Variants in AKAP1 observed in about 807,000 individuals in gnomAD.
AKAP1 encodes A-kinase anchoring protein 1.
Under a neutral mutation model 79.8 loss-of-function variants are expected in AKAP1, and 32 were observed. The observed-to-expected ratio is 0.40, with a 90% CI of 0.30 to 0.54. The LOEUF (loss-of-function observed/expected upper bound fraction) is 0.54, where lower values mean the gene tolerates loss of function less well. AKAP1 is among the 20% of genes least tolerant of loss of function. The probability of loss-of-function intolerance (pLI) is 0.47; values close to 1 mark genes in which losing one functional copy is unlikely to be tolerated. For synonymous variants in AKAP1, 416 were observed against 466.7 expected (o/e 0.89, Z 1.40); for missense variants, 961 against 1,138.9 (o/e 0.84, Z 2.25).
At chr17:57,092,639 C>G (rs1452197491) in intron 1 of AKAP1, 1 of 152,188 alleles carries the variant, frequency 6.6e-6, no homozygotes, top group African/African-American at 2.4e-5. Context: ...GTGTACCTGT[C>G]ATGCTACCAG....
intron 8 of AKAP1, 73 bp downstream of exon 8, chr17:57,117,000 C>T (rs753640623): frequency 5.8e-5 from 80 of 1,389,698 alleles, no homozygotes; most frequent in Admixed American, 8.4e-5. Context: ...TCAGAGCCTC[C>T]GTTCTCACCT....
chr17:57,116,051 T>TGGCC, intron 6 of AKAP1, 60 bp from the exon 7 acceptor site: 1 of 1,577,156 alleles, frequency 6.3e-7, no homozygotes, highest in Non-Finnish European at 8.6e-7. Flanking sequence ...AGTGGCCAGG[T>TGGCC]GGCCCTTGGT....
rs768580692 is a variant in AKAP1 at position 57,106,672 on chromosome 17, C to A, written c.1208C>A (p.Ala403Glu). ...AAAACTGTCTTGGGCCCAGACACTG[C>A]GGAGCCTGCCACAGCAGAGGCAGCT... The part of the protein sequence containing the change: ...HQKTVLGPDT[A>E]EPATAEAAVA... Residue 403 changes from alanine to glutamate, a missense_variant, in exon 2 of 11, where the codon GCG becomes GAG. Coordinates refer to ENST00000337714, the MANE Select transcript of AKAP1 (RefSeq NM_003488.4). 1.2e-6 allele frequency: 2 copies of A among 1,614,032 alleles called. No individual in the cohort carries two copies. Among genetic ancestry groups the A allele is most frequent in the Non-Finnish European group, 1.7e-6 (2 of 1,180,026 alleles).
At chr17:57,110,237 G>T in intron 3 of AKAP1, 79 bp downstream of exon 3, 3 of 1,558,030 alleles carry the variant, frequency 1.9e-6, no homozygotes, top group Non-Finnish European at 2.6e-6. Flanking sequence ...CCTCAGGGAG[G>T]GAGGGGGCTG....
intron 1 of AKAP1, among the ~76,000 whole-genome samples, chr17:57,098,974 T>C (rs1661044094): frequency 6.6e-6 from 1 of 151,704 alleles, no homozygotes; most frequent in Non-Finnish European, 1.5e-5. Flanking sequence ...TTCACTGTAT[T>C]AGCCAGGATG....
chr17:57,091,117 T>G (rs1216718517), intron 1 of AKAP1, among the ~76,000 whole-genome samples: 1 of 152,236 alleles, frequency 6.6e-6, no homozygotes, highest in African/African-American at 2.4e-5. Flanking sequence ...TTGCCCCTCC[T>G]TTCTGCCACT....
chr17:57,096,827 C>T (rs759051975), intron 1 of AKAP1: 1 of 152,204 alleles, frequency 6.6e-6, no homozygotes, highest in Non-Finnish European at 1.5e-5. Context: ...CTGGGAACAC[C>T]CTTTAGAGCT....
intron 8 of AKAP1, among the ~76,000 whole-genome samples, chr17:57,117,882 C>T (rs559423780): frequency 6.6e-6 from 1 of 152,320 alleles, no homozygotes; most frequent in Non-Finnish European, 1.5e-5. Context: ...GCCTTGCCCA[C>T]TCTGAGTGGC....
chr17:57,105,729 C>T lies in AKAP1; in HGVS notation c.265C>T (p.Pro89Ser), dbSNP rs762722878. Residue 89 changes from proline to serine, a missense_variant, in exon 2 of 11, where the codon CCT (proline) becomes TCT (serine). Physicochemically the swap from Pro to Ser is moderately conservative, Grantham distance 74 (BLOSUM62 -1). Around this residue, in one of 3 missense-constraint regions of AKAP1, gnomAD observed 108 missense variants for 147.6 expected, o/e 0.73. Transcript: ENST00000337714. ...EKELSTVSKL[P>S]AEPPALLQTH... is the part of the protein sequence containing the mutation. Reference sequence around the variant, plus strand: ...GGAACTGTCCACCGTGAGCAAGCTGCCTGCAGAGCCCCCAGCATTGCTCCA... The same window carrying T: ...GGAACTGTCCACCGTGAGCAAGCTGTCTGCAGAGCCCCCAGCATTGCTCCA... 3 of 1,614,074 alleles carry T rather than the reference C, an allele frequency of 1.9e-6. No homozygotes were observed. The highest frequency in any genetic ancestry group is 1.7e-5 in the Admixed American group (1 of 60,008).
intron 1 of AKAP1, chr17:57,093,928 G>T (rs865988053): frequency 2.3e-4 from 35 of 152,266 alleles, no homozygotes; most frequent in African/African-American, 6.0e-4. Flanking sequence ...TCCCAGTGTA[G>T]AGATAGCCCA....
intron 2 of AKAP1, among the ~76,000 whole-genome samples, chr17:57,109,404 C>T (rs1377470573): frequency 6.6e-6 from 1 of 152,230 alleles, no homozygotes; most frequent in Non-Finnish European, 1.5e-5. Context: ...TTGCATGAAT[C>T]AGGCCTAAGC....
chr17:57,086,356 TC>T lies in AKAP1; in HGVS notation c.-25+960del, dbSNP rs780963001. On this transcript the variant is annotated intron_variant, in intron 1 of 10. Transcript: ENST00000337714. The surrounding 1 kb of genome is among the most constrained non-coding windows in gnomAD (Gnocchi z 5.1). The stretch of plus-strand genomic sequence containing the variant: ...TCTTTTGTGCCCTAGCTGAAGGTCT[TC>T]CTGTTTCCCTTCCAGGGAGGGATAG... 2.7e-4 allele frequency: 123 copies of T among 448,742 alleles called. No homozygotes were observed. The highest frequency in any genetic ancestry group is 6.7e-5 in the Non-Finnish European group (15 of 224,362). The allele number at this position is 448,742 out of a possible 1,614,324, so 27.8% of individuals were successfully genotyped here. A position where few individuals can be genotyped will look rare whatever the true frequency, so the allele number is the denominator to read the frequency against.
At chr17:57,100,777 A>C (rs1039417433) in intron 1 of AKAP1, among the ~76,000 whole-genome samples, 1 of 152,052 alleles carries the variant, frequency 6.6e-6, no homozygotes, top group African/African-American at 2.4e-5. Context: ...GCCTTTCCTC[A>C]TAGCCACTTT....
Position 57,110,149 on chromosome 17 carries a change from G to A in AKAP1, c.1839G>A (p.Glu613=), listed in dbSNP as rs779414805. 5.0e-6 allele frequency: 8 copies of A among 1,613,806 alleles called. No individual in the cohort carries two copies. In the African/African-American group the frequency reaches 9.3e-5, roughly 19 times the overall value. Residue 613 remains glutamate (E), a synonymous_variant, in exon 3 of 11, where the codon GAG becomes GAA. Coordinates refer to ENST00000337714, the MANE Select transcript of AKAP1 (RefSeq NM_003488.4). ...KKVDLIIWEI[E]VPKHLVGRLI... ...TCGACCTCATCATCTGGGAGATCGAGGTGCCAAAGGTAGGGGCGGAGTCCC... is the reference window on the plus strand; with the variant it reads ...TCGACCTCATCATCTGGGAGATCGAAGTGCCAAAGGTAGGGGCGGAGTCCC...
rs1370460660 is a variant in AKAP1, at chr17:57,116,098, C to T, written c.2282-13C>T. The T allele has an allele frequency of 6.2e-7, 1 of 1,610,664 alleles. No individual in the cohort carries two copies. Among genetic ancestry groups the T allele is most frequent in the Admixed American group, 1.7e-5 (1 of 60,014 alleles). ...GCCCAGGCGTTCCACGCACTCTGCT[C>T]CCTACCCTGCAGTAACGGTCATCTG... On this transcript the variant is annotated splice_polypyrimidine_tract_variant and intron_variant, in intron 6 of 10. Coordinates refer to ENST00000337714, the MANE Select transcript of AKAP1 (RefSeq NM_003488.4).
chr17:57,112,921 T>C (rs1046361691), intron 5 of AKAP1, among the ~76,000 whole-genome samples: 1 of 152,168 alleles, frequency 6.6e-6, no homozygotes, highest in Non-Finnish European at 1.5e-5. Flanking sequence ...AAGGATGGTG[T>C]AGTTCGGACA....
At chr17:57,105,368 G>A in intron 1 of AKAP1, 73 bp from the exon 2 acceptor site, 2 of 1,418,512 alleles carry the variant, frequency 1.4e-6, no homozygotes, top group Middle Eastern at 2.4e-4. Context: ...TGACTGTCTT[G>A]CATGTGCGGT....
chr17:57,097,020 C>T (rs755670776), intron 1 of AKAP1, among the ~76,000 whole-genome samples: 3 of 152,038 alleles, frequency 2.0e-5, no homozygotes, highest in Non-Finnish European at 4.4e-5. Flanking sequence ...CTCTTGTGAC[C>T]TACTCTACTT....
In AKAP1 at chr17:57,121,322, AC is replaced by A. The variant is rs1915906942; in HGVS notation, c.*999del. The stretch of plus-strand genomic sequence containing the variant: ...CAGTTTAAAAATAAGTAAGTAACTT[AC>A]ATAAATCTTCAATTGTATGAACTGC... On this transcript the variant is annotated 3_prime_UTR_variant, in exon 11 of 11. Coordinates refer to ENST00000337714, the MANE Select transcript of AKAP1 (RefSeq NM_003488.4). The A allele has an allele frequency of 6.6e-6, 1 of 150,560 alleles. No individual in the cohort carries two copies. The highest frequency in any genetic ancestry group is 6.6e-5 in the Admixed American group (1 of 15,136). The allele number at this position is 150,560 out of a possible 1,614,324, so 9.3% of individuals were successfully genotyped here. A position where few individuals can be genotyped will look rare whatever the true frequency, so the allele number is the denominator to read the frequency against.
Sources: gnomAD v4.1 joint callset for allele counts (sites outside exome capture counted in the v4.1 genomes callset) on GRCh38, gnomAD v4.1.1 for gene constraint, gnomAD v4.1.1 regional missense constraint, Gnocchi (gnomAD v3.1) non-coding constraint, MANE v1.5 for transcripts, NCBI Gene and HGNC (gene_info 2026-07-23, HGNC 2026-07-21) for gene names.